LRTM1: variants seen among roughly 807,000 people sequenced by gnomAD.
The protein encoded by LRTM1 is leucine-rich repeat and transmembrane domain-containing protein 1.
Under a neutral mutation model 32.4 loss-of-function variants are expected in LRTM1, and 38 were observed. The observed-to-expected ratio is 1.17, with a 90% CI of 0.91 to 1.54. The LOEUF is 1.54. Ranked by LOEUF, LRTM1 falls within the 40% of genes most tolerant of loss-of-function variation. The probability of loss-of-function intolerance (pLI) is 0.00; values close to 1 mark genes in which losing one functional copy is unlikely to be tolerated. For synonymous variants in LRTM1, 186 were observed against 169.9 expected (o/e 1.09, Z -0.74); for missense variants, 466 against 415.4 (o/e 1.12, Z -1.06).
At chr3:54,932,372 T>C (rs1701211278), upstream of LRTM1, among the ~76,000 whole-genome samples, 1 of 151,896 alleles carries the variant, frequency 6.6e-6, no homozygotes. Context: ...TGTCTGAAAA[T>C]GGAATAAGTG....
upstream of LRTM1, among the ~76,000 whole-genome samples, chr3:54,932,543 T>C (rs1411907715): frequency 1.3e-5 from 2 of 152,052 alleles, no homozygotes; most frequent in Non-Finnish European, 2.9e-5. Flanking sequence ...CTGGAATATT[T>C]GAGATGTCTT....
Position 54,918,876 on chromosome 3 carries a change from G to A in LRTM1, c.621C>T (p.Gly207=). Residue 207 remains glycine (G), a synonymous_variant, in exon 3 of 3, where the codon GGC becomes GGT. Transcript: ENST00000273286. ...AGGTGTCTGGTGATTCACAGATGAT[G>A]CCGTCTGTTAGTCCCCCTTTAAAAA... ...KFVYKGGLTD[G]IICESPDTWK... The A allele has an allele frequency of 6.5e-7, 1 of 1,546,754 alleles. No individual in the cohort carries two copies. The highest frequency in any genetic ancestry group is 2.0e-5 in the Admixed American group (1 of 50,930).
rs1432516718 is a variant in LRTM1, at chr3:54,918,412, A to G, written c.*47T>C. 5 of 1,551,860 alleles carry G rather than the reference A, an allele frequency of 3.2e-6. No homozygotes were observed. The African/African-American group carries it at 7.2e-5, about 22-fold the overall frequency. ...GGAAACACATCAGCCCTACTCAGAC[A>G]CTATCTTCTGGCCTGCAATGACCAA... On this transcript the variant is annotated 3_prime_UTR_variant, in exon 3 of 3. Coordinates refer to ENST00000273286, the MANE Select transcript of LRTM1 (RefSeq NM_020678.4).
At chr3:54,953,408 T>C (rs574822693) in intron 1 of LRTM1, among the ~76,000 whole-genome samples, 11 of 152,134 alleles carry the variant, frequency 7.2e-5, no homozygotes, top group Non-Finnish European at 1.6e-4. Flanking sequence ...TTCTTACCTA[T>C]AGAGGTGAGA....
intron 2 of LRTM1, among the ~76,000 whole-genome samples, chr3:54,921,739 G>A (rs961920624): frequency 1.3e-5 from 2 of 152,092 alleles, no homozygotes; most frequent in African/African-American, 4.8e-5. Flanking sequence ...ACAAGCTCGA[G>A]GGGTCTTATG....
At chr3:54,948,060 C>T (rs764248815) in intron 1 of LRTM1, among the ~76,000 whole-genome samples, 1 of 152,170 alleles carries the variant, frequency 6.6e-6, no homozygotes, top group East Asian at 1.9e-4. Context: ...AGACCTTCTA[C>T]GGAGGAGATG....
chr3:54,924,480 C>G, intron 2 of LRTM1, 139 bp downstream of exon 2: 1 of 679,142 alleles, frequency 1.5e-6, no homozygotes, highest in Non-Finnish European at 2.5e-6. Context: ...TTTGCCATAC[C>G]GTGAAATGGC....
intron 1 of LRTM1, among the ~76,000 whole-genome samples, chr3:54,963,525 T>C (rs574334729): frequency 6.6e-6 from 1 of 152,362 alleles, no homozygotes; most frequent in African/African-American, 2.4e-5. Flanking sequence ...TTTTAGTTAA[T>C]TTTTATTTAA....
At chr3:54,927,216 T>C (rs1258403316) in intron 1 of LRTM1, among the ~76,000 whole-genome samples, 1 of 152,202 alleles carries the variant, frequency 6.6e-6, no homozygotes, top group African/African-American at 2.4e-5. Flanking sequence ...CTTCCTTAAA[T>C]TCTCTACTGA....
intron 2 of LRTM1, among the ~76,000 whole-genome samples, chr3:54,923,433 CA>C (rs1313020446): frequency 6.6e-5 from 10 of 152,164 alleles, no homozygotes; most frequent in African/African-American, 2.4e-4. Flanking sequence ...TCAGCCATGT[CA>C]CCTCCTTGGA....
In LRTM1 at chr3:54,918,868, C is replaced by G; in HGVS notation, c.629G>C (p.Cys210Ser). The G allele has an allele frequency of 6.4e-7, 1 of 1,554,112 alleles. No individual in the cohort carries two copies. Among genetic ancestry groups the G allele is most frequent in the South Asian group, 1.2e-5 (1 of 81,564 alleles). Residue 210 changes from cysteine to serine, a missense_variant, in exon 3 of 3, where the codon TGT becomes TCT. Cys to Ser is a moderately radical substitution (Grantham distance 112). Coordinates refer to ENST00000273286, the MANE Select transcript of LRTM1 (RefSeq NM_020678.4). ...TCCCTTCCAGGTGTCTGGTGATTCA[C>G]AGATGATGCCGTCTGTTAGTCCCCC... is the stretch of plus-strand genomic sequence containing the variant. ...YKGGLTDGII[C>S]ESPDTWKGKD...
At chr3:54,953,205 A>G (rs1701800717) in intron 1 of LRTM1, among the ~76,000 whole-genome samples, 1 of 152,200 alleles carries the variant, frequency 6.6e-6, no homozygotes, top group Non-Finnish European at 1.5e-5. Context: ...TTAAGGCACA[A>G]ACGTATAAGG....
chr3:54,933,284 C>T (rs1701250698), intron 1 of LRTM1, among the ~76,000 whole-genome samples: 1 of 152,182 alleles, frequency 6.6e-6, no homozygotes. Flanking sequence ...GCTATTTTAA[C>T]AAACAACACC....
In LRTM1 at chr3:54,918,723, A is replaced by C; in HGVS notation, c.774T>G (p.Pro258=). 6.2e-7 allele frequency: 1 copy of C among 1,614,078 alleles called. No individual in the cohort carries two copies. Among genetic ancestry groups the C allele is most frequent in the Non-Finnish European group, 8.5e-7 (1 of 1,179,982 alleles). ...GSAHGVVLRP[P]ENHNAGEREL... ...CTCGCTCCCCCGCGTTGTGGTTCTC[A>C]GGAGGCCTCAGGACCACACCGTGGG... Residue 258 remains proline, a synonymous_variant, in exon 3 of 3, where the codon CCT becomes CCG. Transcript: ENST00000273286.
At chr3:54,949,819 C>T (rs1466968464) in intron 1 of LRTM1, among the ~76,000 whole-genome samples, 1 of 152,130 alleles carries the variant, frequency 6.6e-6, no homozygotes, top group Non-Finnish European at 1.5e-5. Context: ...GCCTGTGATT[C>T]TTTCTGAAAA....
intron 1 of LRTM1, among the ~76,000 whole-genome samples, chr3:54,951,996 C>T (rs1484785620): frequency 1.3e-5 from 2 of 152,126 alleles, no homozygotes; most frequent in Non-Finnish European, 2.9e-5. Flanking sequence ...CTACAGGTGC[C>T]TGCCACCATA....
chr3:54,923,590 G>C (rs1440022720), intron 2 of LRTM1, among the ~76,000 whole-genome samples: 1 of 152,144 alleles, frequency 6.6e-6, no homozygotes, highest in Non-Finnish European at 1.5e-5. Context: ...TCTACTACCA[G>C]AATGGAATCT....
At chr3:54,929,132 G>A (rs1701114215), upstream of LRTM1, among the ~76,000 whole-genome samples, 2 of 152,110 alleles carry the variant, frequency 1.3e-5, no homozygotes, top group South Asian at 4.1e-4. Flanking sequence ...GTCCAGAGTC[G>A]ATATTTGGCT....
At chr3:54,937,819 G>A (rs1237129001) in intron 1 of LRTM1, among the ~76,000 whole-genome samples, 2 of 152,196 alleles carry the variant, frequency 1.3e-5, no homozygotes, top group Middle Eastern at 3.4e-3. Context: ...AGCAGAAGGC[G>A]GGCATGATCA....
Sources: gnomAD v4.1 joint callset for allele counts (sites outside exome capture counted in the v4.1 genomes callset) on GRCh38, gnomAD v4.1.1 for gene constraint, MANE v1.5 for transcripts, NCBI Gene and HGNC (gene_info 2026-07-23, HGNC 2026-07-21) for gene names.